Variants in GON4L observed in about 807,000 individuals in gnomAD.
GON4L encodes gon-4 like, also known as GON-4-like protein.
In GON4L, 87 loss-of-function variants were observed where a neutral mutation model predicts 211.8. That is an observed-to-expected ratio of 0.41 (90% CI 0.35 to 0.49). The LOEUF is 0.49. Ranked by LOEUF, GON4L falls within the 20% of genes least tolerant of loss-of-function variation. The pLI is 0.15. For missense variants in GON4L, 2,155 were observed against 2,659.5 expected (o/e 0.81, Z 4.17); for synonymous variants, 875 against 962.6 (o/e 0.91, Z 1.68).
At chr1:155,757,573 G>A (rs1313551572) in intron 25 of GON4L, among the ~76,000 whole-genome samples, 1 of 151,002 alleles carries the variant, frequency 6.6e-6, no homozygotes, top group East Asian at 2.0e-4. Context: ...TCCAGCTAGG[G>A]CACTATTCCA....
At chr1:155,745,321 G>C (rs1048465085), downstream of GON4L, among the ~76,000 whole-genome samples, 1 of 152,238 alleles carries the variant, frequency 6.6e-6, no homozygotes, top group African/African-American at 2.4e-5. Context: ...AGATATGATA[G>C]CTAGGTCAGT....
chr1:155,790,962 A>G lies in GON4L; in HGVS notation c.1747+4088T>C, dbSNP rs369813164. On this transcript the variant is annotated intron_variant, in intron 12 of 31. Transcript: ENST00000368331. Reference sequence around the variant, plus strand: ...CTTCTCAAAAAAAAACCAACAAACTATAGAAAGTAGGTGGTGAGGCTGGGC... The same window carrying G: ...CTTCTCAAAAAAAAACCAACAAACTGTAGAAAGTAGGTGGTGAGGCTGGGC... 1.0e-4 allele frequency among the ~76,000 whole-genome samples: 15 copies of G among 148,400 alleles called. No homozygotes were observed. In the South Asian group the frequency reaches 3.0e-3, roughly 30 times the overall value.
At chr1:155,745,949 C>T (rs1432386341), downstream of GON4L, 4 of 756,232 alleles carry the variant, frequency 5.3e-6, no homozygotes, top group East Asian at 2.7e-5. Context: ...AGGAGCCCTT[C>T]GGGATCTACA....
At position 155,752,542 on chromosome 1, in the gene GON4L, A is replaced by G; in HGVS notation, c.5891T>C (p.Val1964Ala). The change falls in exon 30 of 32, where the codon GTT becomes GCT. Residue 1964 changes from valine to alanine, a missense_variant. By Grantham distance (64) the Val-to-Ala change is moderately conservative (BLOSUM62 0). This residue lies in a region of GON4L where 455 missense variants were observed against 504.6 expected (regional missense o/e 0.90). Coordinates refer to ENST00000368331, the MANE Select transcript of GON4L (RefSeq NM_001282860.2). ...STLPSPREVT[V>A]TERLLLDGPP... is the part of the protein sequence containing the mutation. ...GCCATCCAGGAGGAGCCGTTCTGTA[A>G]CAGTCACTTCTCGAGGGGATGGCAA... is the stretch of plus-strand genomic sequence containing the variant. 2 of 1,604,268 alleles carry G rather than the reference A, an allele frequency of 1.2e-6. No homozygotes were observed. Among genetic ancestry groups the G allele is most frequent in the Non-Finnish European group, 1.7e-6 (2 of 1,175,302 alleles).
At chr1:155,754,903 CTTT>C (rs112004109) in intron 27 of GON4L, among the ~76,000 whole-genome samples, 6 of 104,550 alleles carry the variant, frequency 5.7e-5, no homozygotes, top group Non-Finnish European at 5.9e-5. Context: ...TCTCCCCATG[CTTT>C]TTTTTTTTTT....
chr1:155,784,534 C>T (rs569243964), intron 13 of GON4L: 45 of 184,202 alleles, frequency 2.4e-4, no homozygotes, highest in African/African-American at 9.4e-4. Context: ...TACAGGTGCC[C>T]GCCACCATGC....
rs868413155 is a variant in GON4L at position 155,777,527 on chromosome 1, C to A, written c.2091+95G>T. On this transcript the variant is annotated intron_variant, in intron 15 of 31. Coordinates refer to ENST00000368331, the MANE Select transcript of GON4L (RefSeq NM_001282860.2). The stretch of plus-strand genomic sequence containing the variant: ...CCAGAAAGCAGAGGTTGAAGTGAGC[C>A]GATATCGGGCCACTGCACTCCAGGC... 1.5e-5 allele frequency: 14 copies of A among 917,596 alleles called. No homozygotes were observed. The Middle Eastern group carries it at 9.4e-4, about 61-fold the overall frequency. 56.8% of individuals were successfully genotyped at this position (917,596 alleles called of 1,614,324 possible).
intron 28 of GON4L, chr1:155,754,062 G>A: frequency 2.6e-6 from 1 of 386,336 alleles, no homozygotes; most frequent in Non-Finnish European, 4.9e-6. Context: ...CTCCATTCTA[G>A]AGAACCAGGA....
chr1:155,838,188 A>G lies in GON4L; in HGVS notation c.506-11160T>C, dbSNP rs370744848. Among the ~76,000 whole-genome samples, 171 of 152,246 alleles carry G rather than the reference A, an allele frequency of 1.1e-3. 1 individual carries two copies. Among genetic ancestry groups the G allele is most frequent in the Non-Finnish European group, 2.9e-4 (20 of 68,016 alleles). On this transcript the variant is annotated intron_variant, in intron 2 of 31. Transcript: ENST00000368331. Reference sequence around the variant, plus strand: ...AGGTGGAAGATCACTTGACCCCAAGAGGCGGAAGCTGCAGTGAGCTGTGAT... The same window carrying G: ...AGGTGGAAGATCACTTGACCCCAAGGGGCGGAAGCTGCAGTGAGCTGTGAT...
chr1:155,800,175 G>C lies in GON4L; in HGVS notation c.1645+4774C>G, dbSNP rs533545927. The stretch of plus-strand genomic sequence containing the variant: ...GATCGTGCCATTGCACTCCAGCCTG[G>C]GCAACAAGAGCAAAACTCCATCTCA... On this transcript the variant is annotated intron_variant, in intron 11 of 31. Coordinates refer to ENST00000368331, the MANE Select transcript of GON4L (RefSeq NM_001282860.2). Among the ~76,000 whole-genome samples the C allele has an allele frequency of 6.3e-4, 96 of 151,688 alleles. 1 individual carries two copies. The highest frequency in any genetic ancestry group is 2.3e-3 in the African/African-American group (95 of 41,326).
chr1:155,851,173 T>A (rs1671752881), intron 2 of GON4L, among the ~76,000 whole-genome samples: 3 of 146,804 alleles, frequency 2.0e-5, no homozygotes, highest in African/African-American at 7.6e-5. Context: ...GCTAACACGG[T>A]AAAACCCCGT....
At chr1:155,849,416 C>T (rs1353249932) in intron 2 of GON4L, among the ~76,000 whole-genome samples, 3 of 151,482 alleles carry the variant, frequency 2.0e-5, no homozygotes, top group African/African-American at 7.3e-5. Context: ...TGGTGGCGGG[C>T]GCCTGTAGTC....
rs139677303 is a variant in GON4L, at chr1:155,778,992, C to T, written c.1893-1172G>A. 2.7e-3 allele frequency among the ~76,000 whole-genome samples: 406 copies of T among 152,050 alleles called. 3 individuals carry two copies. Among genetic ancestry groups the T allele is most frequent in the African/African-American group, 9.4e-3 (392 of 41,492 alleles). ...TATGATAACCTGCTTGTTGGCCGGACGCGGTGGCTCACGCCTGTAATCCCA... is the reference window on the plus strand; with the variant it reads ...TATGATAACCTGCTTGTTGGCCGGATGCGGTGGCTCACGCCTGTAATCCCA... On this transcript the variant is annotated intron_variant, in intron 14 of 31. Transcript: ENST00000368331.
Position 155,816,476 on chromosome 1 carries a change from T to C in GON4L, c.1015-214A>G, listed in dbSNP as rs924957027. Reference sequence around the variant, plus strand: ...AATCTATTACTGTCATTAGCATTTCTGCCTTACACCTGGTAAGCCTCACTT... The same window carrying C: ...AATCTATTACTGTCATTAGCATTTCCGCCTTACACCTGGTAAGCCTCACTT... On this transcript the variant is annotated intron_variant, in intron 6 of 31. Coordinates refer to ENST00000368331, the MANE Select transcript of GON4L (RefSeq NM_001282860.2). 7.2e-5 allele frequency among the ~76,000 whole-genome samples: 11 copies of C among 152,198 alleles called. 1 individual carries two copies. Among genetic ancestry groups the C allele is most frequent in the Non-Finnish European group, 1.5e-4 (10 of 68,036 alleles).
chr1:155,785,807 T>G (rs1264171011), intron 12 of GON4L, among the ~76,000 whole-genome samples: 2 of 152,154 alleles, frequency 1.3e-5, no homozygotes, highest in East Asian at 1.9e-4. Context: ...TTCAAAAACA[T>G]TTATTGAGGC....
intron 2 of GON4L, among the ~76,000 whole-genome samples, chr1:155,827,977 C>T (rs946813637): frequency 3.9e-5 from 6 of 152,066 alleles, no homozygotes; most frequent in East Asian, 1.9e-4. Context: ...TTTGGAGATA[C>T]CTTGTCTCTA....
intron 28 of GON4L, 69 bp from the exon 29 acceptor site, chr1:155,753,483 G>A: frequency 8.7e-7 from 1 of 1,146,292 alleles, no homozygotes; most frequent in Non-Finnish European, 1.3e-6. Context: ...CCCACCAAAG[G>A]AAGAAGCCCT....
chr1:155,813,742 G>A lies in GON4L; in HGVS notation c.1344C>T (p.Pro448=). 1.2e-6 allele frequency: 2 copies of A among 1,613,666 alleles called. No individual in the cohort carries two copies. The highest frequency in any genetic ancestry group is 1.3e-5 in the African/African-American group (1 of 75,038). Residue 448 remains proline (P), a synonymous_variant, in exon 10 of 32, where the codon CCC becomes CCT. Coordinates refer to ENST00000368331, the MANE Select transcript of GON4L (RefSeq NM_001282860.2). ...TCTGTTTCGGCTTTGGAGGGGGCGG[G>A]GGCCCCATGGGCACTACCTCAGCAC... ...HISAEVVPMG[P]PPPPKPKQTR...
intron 2 of GON4L, among the ~76,000 whole-genome samples, chr1:155,848,269 C>A (rs189198966): frequency 2.6e-5 from 4 of 152,236 alleles, no homozygotes; most frequent in Non-Finnish European, 5.9e-5. Context: ...TAACTCATAC[C>A]CAAATCTGAA....
Sources: allele counts gnomAD v4.1 joint callset (sites outside exome capture counted in the v4.1 genomes callset), GRCh38; gene constraint gnomAD v4.1.1; regional missense constraint gnomAD v4.1.1; transcripts MANE v1.5; gene names NCBI Gene and HGNC (gene_info 2026-07-23, HGNC 2026-07-21).